Variants in HS3ST4 observed in about 807,000 individuals in gnomAD.
The protein encoded by HS3ST4 is heparan sulfate glucosamine 3-O-sulfotransferase 4.
Under a neutral mutation model 29.2 loss-of-function variants are expected in HS3ST4, and 17 were observed. That is an observed-to-expected ratio of 0.58 (90% CI 0.40 to 0.87). The LOEUF (loss-of-function observed/expected upper bound fraction) is 0.87. Among genes scored for constraint, HS3ST4 ranks in the 40% least tolerant of loss-of-function variants. The probability of loss-of-function intolerance (pLI) is 0.00; values close to 1 mark genes in which losing one functional copy is unlikely to be tolerated. For missense variants in HS3ST4, 627 were observed against 634.5 expected (o/e 0.99, Z 0.13); for synonymous variants, 314 against 285.7 (o/e 1.10, Z -1.00).
At chr16:25,875,801 G>T (rs1567262222) in intron 1 of HS3ST4, among the ~76,000 whole-genome samples, 1 of 152,106 alleles carries the variant, frequency 6.6e-6, no homozygotes, top group African/African-American at 2.4e-5. Context: ...TTATTGCCAG[G>T]TGTGTGATCC....
intron 1 of HS3ST4, among the ~76,000 whole-genome samples, chr16:25,925,806 G>A (rs4510017): frequency 0.087 from 13,187 of 152,188 alleles, 651 homozygotes; most frequent in Non-Finnish European, 0.11. Flanking sequence ...CAGTGTGCCT[G>A]TTCCTGGAAA....
intron 1 of HS3ST4, among the ~76,000 whole-genome samples, chr16:25,901,458 G>A (rs1467287766): frequency 6.6e-6 from 1 of 152,142 alleles, no homozygotes; most frequent in African/African-American, 2.4e-5. Flanking sequence ...ATCACTGGAG[G>A]TCAGGAGTTC....
At chr16:26,125,079 A>C (rs1899324321) in intron 1 of HS3ST4, among the ~76,000 whole-genome samples, 1 of 152,214 alleles carries the variant, frequency 6.6e-6, no homozygotes, top group South Asian at 2.1e-4. Context: ...TCATTTGTTG[A>C]AATAGTTCTC....
intron 1 of HS3ST4, among the ~76,000 whole-genome samples, chr16:25,964,055 A>T (rs1401328123): frequency 1.3e-5 from 2 of 152,098 alleles, no homozygotes; most frequent in African/African-American, 4.8e-5. Flanking sequence ...GATGCCTGTA[A>T]TCCCAGCCAC....
chr16:25,717,491 G>A (rs1336091099), intron 1 of HS3ST4, among the ~76,000 whole-genome samples: 1 of 149,116 alleles, frequency 6.7e-6, no homozygotes, highest in African/African-American at 2.5e-5. Context: ...AGATCTGAAG[G>A]ATGAGTAGAA....
intron 1 of HS3ST4, among the ~76,000 whole-genome samples, chr16:25,855,397 C>T (rs1967565379): frequency 6.6e-6 from 1 of 152,154 alleles, no homozygotes; most frequent in East Asian, 1.9e-4. Context: ...AATAGAGATT[C>T]TCTACAAATG....
chr16:25,707,354 CTTA>C (rs1186168584), intron 1 of HS3ST4, among the ~76,000 whole-genome samples: 8 of 152,102 alleles, frequency 5.3e-5, no homozygotes, highest in Admixed American at 2.0e-4. Context: ...ATAATTCTAT[CTTA>C]TTATGAGTTG....
intron 1 of HS3ST4, among the ~76,000 whole-genome samples, chr16:25,718,418 G>A (rs1026907781): frequency 2.4e-4 from 37 of 152,054 alleles, no homozygotes; most frequent in African/African-American, 7.7e-4. Flanking sequence ...ATAGGGTGTC[G>A]GAGCTGCTTT....
intron 1 of HS3ST4, among the ~76,000 whole-genome samples, chr16:25,765,284 G>C (rs961334972): frequency 2.0e-5 from 3 of 152,216 alleles, no homozygotes; most frequent in Non-Finnish European, 4.4e-5. Context: ...AGGTACTCCT[G>C]TTCAGTGGGC....
chr16:25,781,799 T>C (rs529034581), intron 1 of HS3ST4, among the ~76,000 whole-genome samples: 2 of 152,326 alleles, frequency 1.3e-5, no homozygotes, highest in East Asian at 3.9e-4. Context: ...TGTTTGAAGA[T>C]GATGCACAGT....
chr16:25,932,552 C>T (rs1431843810), intron 1 of HS3ST4, among the ~76,000 whole-genome samples: 2 of 152,236 alleles, frequency 1.3e-5, no homozygotes, highest in South Asian at 2.1e-4. Context: ...TAACAACATC[C>T]CCATGTGACA....
At chr16:25,819,543 T>C (rs1448978752) in intron 1 of HS3ST4, among the ~76,000 whole-genome samples, 1 of 152,184 alleles carries the variant, frequency 6.6e-6, no homozygotes, top group East Asian at 1.9e-4. Flanking sequence ...TGTTTTGCGC[T>C]GGTGGTTCTA....
At chr16:25,901,499 C>T (rs1348731050) in intron 1 of HS3ST4, among the ~76,000 whole-genome samples, 2 of 152,168 alleles carry the variant, frequency 1.3e-5, no homozygotes, top group African/African-American at 2.4e-5. Context: ...GGAGAAACCC[C>T]GTCTCTACCA....
At chr16:25,934,786 T>C (rs918526304) in intron 1 of HS3ST4, among the ~76,000 whole-genome samples, 3 of 152,198 alleles carry the variant, frequency 2.0e-5, no homozygotes, top group Non-Finnish European at 4.4e-5. Flanking sequence ...TTTTTTAATG[T>C]AAACTTTATG....
chr16:25,754,114 A>C (rs367851073), intron 1 of HS3ST4, among the ~76,000 whole-genome samples: 4 of 152,324 alleles, frequency 2.6e-5, no homozygotes. Context: ...TGAAGCCTGA[A>C]TCATGAGAAA....
At chr16:25,897,021 C>T (rs969019705) in intron 1 of HS3ST4, among the ~76,000 whole-genome samples, 4 of 152,038 alleles carry the variant, frequency 2.6e-5, no homozygotes, top group Non-Finnish European at 5.9e-5. Context: ...GAAGGGAACA[C>T]GGGTTGAAAA....
intron 1 of HS3ST4, among the ~76,000 whole-genome samples, chr16:25,848,161 CAG>C (rs1967484215): frequency 6.6e-6 from 1 of 151,722 alleles, no homozygotes; most frequent in Non-Finnish European, 1.5e-5. Flanking sequence ...TTTTTTGAGA[CAG>C]AGTCTTGCTC....
chr16:25,826,707 G>T (rs1289362749), intron 1 of HS3ST4, among the ~76,000 whole-genome samples: 1 of 152,176 alleles, frequency 6.6e-6, no homozygotes, highest in Non-Finnish European at 1.5e-5. Flanking sequence ...GGTCAACAAA[G>T]GAAGCAGTTG....
At chr16:26,027,445 T>C (rs900942578) in intron 1 of HS3ST4, among the ~76,000 whole-genome samples, 3 of 152,354 alleles carry the variant, frequency 2.0e-5, no homozygotes, top group Non-Finnish European at 4.4e-5. Flanking sequence ...ATATTCTCTG[T>C]GAACATTGTC....
Sources: gnomAD v4.1 joint callset for allele counts (sites outside exome capture counted in the v4.1 genomes callset) on GRCh38, gnomAD v4.1.1 for gene constraint, MANE v1.5 for transcripts, NCBI Gene and HGNC (gene_info 2026-07-23, HGNC 2026-07-21) for gene names.